LPL: variants seen among roughly 807,000 people sequenced by gnomAD.
The protein encoded by LPL is phospholipase A1.
A neutral mutation model predicts 52.2 loss-of-function variants in LPL; 43 were observed. That is an observed-to-expected ratio of 0.82 (90% CI 0.64 to 1.06). The LOEUF (loss-of-function observed/expected upper bound fraction) is 1.06. Among genes scored for constraint, LPL ranks in the 50% least tolerant of loss-of-function variants. LPL has a pLI of 0.00. For synonymous variants in LPL, 244 were observed against 215.6 expected (o/e 1.13, Z -1.15); for missense variants, 639 against 585.3 (o/e 1.09, Z -0.95).
At chr8:19,946,979 G>A (rs1340269579) in intron 1 of LPL, among the ~76,000 whole-genome samples, 1 of 152,188 alleles carries the variant, frequency 6.6e-6, no homozygotes, top group African/African-American at 2.4e-5. Flanking sequence ...GTTTGCTGTG[G>A]TTTTCAAGTT....
chr8:19,962,575 A>G (rs329), intron 9 of LPL, among the ~76,000 whole-genome samples: 5,878 of 152,100 alleles, frequency 0.039, 163 homozygotes, highest in African/African-American at 0.074. Flanking sequence ...ATGTAACACA[A>G]GTTTAGTAGT....
chr8:19,961,914 G>C (rs561922066), intron 8 of LPL, among the ~76,000 whole-genome samples: 95 of 152,252 alleles, frequency 6.2e-4, no homozygotes, highest in African/African-American at 2.2e-3. Flanking sequence ...TAACTAGCTT[G>C]GTTGCTGAAC....
chr8:19,942,798 T>C (rs964089748), intron 1 of LPL, among the ~76,000 whole-genome samples: 2 of 152,238 alleles, frequency 1.3e-5, no homozygotes, highest in African/African-American at 4.8e-5. Context: ...ATTGTCTGTG[T>C]GCACTGACAC....
intron 1 of LPL, among the ~76,000 whole-genome samples, chr8:19,941,634 CT>C (rs1197111249): frequency 6.6e-6 from 1 of 152,184 alleles, no homozygotes; most frequent in East Asian, 1.9e-4. Flanking sequence ...AAACGATGCC[CT>C]CCCATCCCCT....
At position 19,959,389 on chromosome 8, in the gene LPL, C is replaced by A; in HGVS notation, c.1139+9C>A. ...AACATCCCATTCACTCTGTGAGTAGCACAGGGGGGCGGTCATCATGGCACC... is the reference window on the plus strand; with the variant it reads ...AACATCCCATTCACTCTGTGAGTAGAACAGGGGGGCGGTCATCATGGCACC... On this transcript the variant is annotated intron_variant, in intron 7 of 9. Coordinates refer to ENST00000650287, the MANE Select transcript of LPL (RefSeq NM_000237.3). The A allele has an allele frequency of 6.2e-7, 1 of 1,613,956 alleles. No individual in the cohort carries two copies. Among genetic ancestry groups the A allele is most frequent in the South Asian group, 1.1e-5 (1 of 91,070 alleles).
intron 1 of LPL, among the ~76,000 whole-genome samples, chr8:19,947,666 C>T (rs867320651): frequency 9.2e-5 from 11 of 118,976 alleles, no homozygotes; most frequent in Middle Eastern, 4.4e-3. Flanking sequence ...ACCCCCCCCC[C>T]GCCCCACACA....
Position 19,959,105 on chromosome 8 carries a change from T to C in LPL, c.1019-155T>C, listed in dbSNP as rs530512924. Among the ~76,000 whole-genome samples the C allele has an allele frequency of 3.3e-5, 5 of 152,336 alleles. No individual in the cohort carries two copies. The East Asian group carries it at 7.7e-4, about 23-fold the overall frequency. ...TTCTAGGTATGAACACTGTGCATGA[T>C]GAAGTCTTTCCAAGCCACACCAGTG... On this transcript the variant is annotated intron_variant, in intron 6 of 9. Coordinates refer to ENST00000650287, the MANE Select transcript of LPL (RefSeq NM_000237.3).
chr8:19,961,435 G>C (rs1191885809), intron 8 of LPL, among the ~76,000 whole-genome samples: 1 of 151,812 alleles, frequency 6.6e-6, no homozygotes, highest in Admixed American at 6.6e-5. Flanking sequence ...GATGCTACCT[G>C]GATAATCAAA....
chr8:19,962,396 T>C (rs1434123586), intron 9 of LPL, among the ~76,000 whole-genome samples, 177 bp downstream of exon 9: 1 of 152,232 alleles, frequency 6.6e-6, no homozygotes, highest in African/African-American at 2.4e-5. Flanking sequence ...TGTTGCTTTA[T>C]GCAATACTTC....
chr8:19,959,759 C>T (rs556536154), intron 7 of LPL, among the ~76,000 whole-genome samples: 6 of 140,386 alleles, frequency 4.3e-5, no homozygotes, highest in South Asian at 4.5e-4. Flanking sequence ...GTAAGAAGTC[C>T]ATGACAAAGT....
In LPL at chr8:19,950,692, T is replaced by C. The variant is rs142169230; in HGVS notation, c.250-1077T>C. ...GGTGGTATGTGCTTGTAGTCCCAGCTACTCAGGAGGCTGAGGCAGGAGAAT... is the reference window on the plus strand; with the variant it reads ...GGTGGTATGTGCTTGTAGTCCCAGCCACTCAGGAGGCTGAGGCAGGAGAAT... On this transcript the variant is annotated intron_variant, in intron 2 of 9. Transcript: ENST00000650287. This position sits in a 1 kb window ranked among gnomAD's most constrained non-coding sequence, Gnocchi z 4.2. Among the ~76,000 whole-genome samples the C allele has an allele frequency of 2.6e-5, 4 of 152,236 alleles. No homozygotes were observed. The highest frequency in any genetic ancestry group is 2.1e-4 in the South Asian group (1 of 4,822).
intron 1 of LPL, among the ~76,000 whole-genome samples, chr8:19,943,933 A>G (rs2069861953): frequency 6.6e-6 from 1 of 152,212 alleles, no homozygotes; most frequent in Non-Finnish European, 1.5e-5. Context: ...TCACTCCTGT[A>G]ATCCCAGCAT....
chr8:19,947,404 C>T (rs1047245927), intron 1 of LPL, among the ~76,000 whole-genome samples: 5 of 152,050 alleles, frequency 3.3e-5, no homozygotes, highest in African/African-American at 9.7e-5. Context: ...TTTTAAGAGG[C>T]TGAGGCGGGT....
At position 19,940,430 on chromosome 8, in the gene LPL, G is replaced by A. The variant is rs561565910; in HGVS notation, c.88+902G>A. On this transcript the variant is annotated intron_variant, in intron 1 of 9. Coordinates refer to ENST00000650287, the MANE Select transcript of LPL (RefSeq NM_000237.3). ...GTGGGGTTGACGGGCGCCGCGTGGA[G>A]GCAGCGAGCACAACGGTGGTCACCG... is the stretch of plus-strand genomic sequence containing the variant. Among the ~76,000 whole-genome samples the A allele has an allele frequency of 1.2e-4, 18 of 152,348 alleles. No individual in the cohort carries two copies. In the South Asian group the frequency reaches 3.5e-3, roughly 30 times the overall value.
At chr8:19,949,392 T>C (rs969488374) in intron 2 of LPL, among the ~76,000 whole-genome samples, 2 of 152,226 alleles carry the variant, frequency 1.3e-5, no homozygotes, top group East Asian at 3.8e-4. Context: ...CCATTTACTA[T>C]GTTAACATAG....
rs535791549 is a variant in LPL at position 19,966,749 on chromosome 8, T to C, written c.*1439T>C. On this transcript the variant is annotated 3_prime_UTR_variant, in exon 10 of 10. Transcript: ENST00000650287. ...CCTGATGTGCCAGAACTTCGACCCT[T>C]TCTCTGAGAGAGATGATCGTGCCTA... The C allele has an allele frequency of 6.6e-6, 1 of 152,306 alleles. No individual in the cohort carries two copies. Among genetic ancestry groups the C allele is most frequent in the South Asian group, 2.1e-4 (1 of 4,822 alleles). The allele number at this position is 152,306 out of a possible 1,614,324, so 9.4% of individuals were successfully genotyped here.
chr8:19,950,593 A>G lies in LPL; in HGVS notation c.250-1176A>G, dbSNP rs1181697399. Among the ~76,000 whole-genome samples, 1 of 152,190 alleles carries G rather than the reference A, an allele frequency of 6.6e-6. No homozygotes were observed. Among genetic ancestry groups the G allele is most frequent in the Non-Finnish European group, 1.5e-5 (1 of 68,034 alleles). ...GGCAGGCAGATCACTGGAGGTCAGG[A>G]GTTTGAGACCAACCTGGCCAACATG... On this transcript the variant is annotated intron_variant, in intron 2 of 9. Coordinates refer to ENST00000650287, the MANE Select transcript of LPL (RefSeq NM_000237.3). The surrounding 1 kb of genome is among the most constrained non-coding windows in gnomAD (Gnocchi z 4.2).
rs112111407 is a variant in LPL, at chr8:19,960,763, C to G, written c.1140-138C>G. 123 of 670,582 alleles carry G rather than the reference C, an allele frequency of 1.8e-4. No individual in the cohort carries two copies. The Middle Eastern group carries it at 2.4e-3, about 13-fold the overall frequency. 41.5% of individuals were successfully genotyped at this position (670,582 alleles called of 1,614,324 possible). On this transcript the variant is annotated intron_variant, in intron 7 of 9. Transcript: ENST00000650287. ...ATGCCATCGACCTTCATTTTGAGTT[C>G]TTTGTTGGACATTTTTGTGCATTTT...
Position 19,944,025 on chromosome 8 carries a change from A to C in LPL, c.89-4155A>C, listed in dbSNP as rs1450857989. ...AGGATGGTGAAACCCCATCTCTACT[A>C]AAAATACAAAAATTAGCCAGGCGTG... On this transcript the variant is annotated intron_variant, in intron 1 of 9. Coordinates refer to ENST00000650287, the MANE Select transcript of LPL (RefSeq NM_000237.3). This position sits in a 1 kb window ranked among gnomAD's most constrained non-coding sequence, Gnocchi z 4.2. Among the ~76,000 whole-genome samples the C allele has an allele frequency of 6.6e-6, 1 of 151,962 alleles. No individual in the cohort carries two copies. The highest frequency in any genetic ancestry group is 6.6e-5 in the Admixed American group (1 of 15,260).
Sources: allele counts gnomAD v4.1 joint callset (sites outside exome capture counted in the v4.1 genomes callset), GRCh38; gene constraint gnomAD v4.1.1; non-coding constraint Gnocchi (gnomAD v3.1); transcripts MANE v1.5; gene names NCBI Gene and HGNC (gene_info 2026-07-23, HGNC 2026-07-21).